The following ZDHHC14 variants were observed in gnomAD, a reference collection of about 807,000 sequenced individuals.
ZDHHC14 encodes the protein palmitoyltransferase ZDHHC14.
ZDHHC14 carries 16 observed loss-of-function variants against 47.7 expected under a neutral mutation model. That is an observed-to-expected ratio of 0.34 (90% CI 0.23 to 0.51). The LOEUF is 0.51. ZDHHC14 is among the 20% of genes least tolerant of loss of function. The pLI, the probability that ZDHHC14 is intolerant of heterozygous loss-of-function variation, is 0.97. For synonymous variants in ZDHHC14, 293 were observed against 278.9 expected, an observed-to-expected ratio of 1.05 and a Z score of -0.50; for missense variants, 515 against 662.5, an observed-to-expected ratio of 0.78 and a Z score of 2.44.
In ZDHHC14 at chr6:157,457,333, G is replaced by A. The variant is rs373625438; in HGVS notation, c.245+75067G>A. On this transcript the variant is annotated intron_variant, in intron 1 of 8. Transcript: ENST00000359775. ...CCACAGCAAATAGAAATGGAGCCCA[G>A]GAGTGGGAATGCTAGCTGGTATTGT... 4.6e-5 allele frequency among the ~76,000 whole-genome samples: 7 copies of A among 152,320 alleles called. No homozygotes were observed. In the East Asian group the frequency reaches 5.8e-4, roughly 13 times the overall value.
At chr6:157,497,057 C>T (rs1780083905) in intron 1 of ZDHHC14, among the ~76,000 whole-genome samples, 1 of 152,182 alleles carries the variant, frequency 6.6e-6, no homozygotes, top group Admixed American at 6.5e-5. Context: ...AGCTGCGGGA[C>T]TACAGTCCAG....
At position 157,672,957 on chromosome 6, in the gene ZDHHC14, G is replaced by T; in HGVS notation, c.1302G>T (p.Met434Ile). Residue 434 changes from methionine (M) to isoleucine (I), a missense_variant, in exon 9 of 9, where the codon ATG becomes ATT. Around this residue, in one of 4 missense-constraint regions of ZDHHC14, gnomAD observed 221 missense variants for 233.6 expected, o/e 0.95. Transcript: ENST00000359775. ...ADVMPRKDEH[M>I]GHQFLTPDEA... ...TGATGCCCCGGAAAGATGAGCACAT[G>T]GGCCACCAGTTCCTGACGCCCGATG... is the stretch of plus-strand genomic sequence containing the variant. 1 of 1,600,526 alleles carries T rather than the reference G, an allele frequency of 6.2e-7. No homozygotes were observed. Among genetic ancestry groups the T allele is most frequent in the South Asian group, 1.1e-5 (1 of 89,750 alleles).
chr6:157,669,855 G>A (rs112729686), intron 8 of ZDHHC14, among the ~76,000 whole-genome samples: 196 of 152,376 alleles, frequency 1.3e-3, no homozygotes, highest in Non-Finnish European at 2.1e-3. Context: ...GAGGCTGTGC[G>A]GAGTTACAGG....
intron 1 of ZDHHC14, among the ~76,000 whole-genome samples, chr6:157,410,531 C>T (rs1436442814): frequency 6.6e-6 from 1 of 152,078 alleles, no homozygotes; most frequent in East Asian, 1.9e-4. Flanking sequence ...TTATCTGGCA[C>T]CTTAGAAATA....
At chr6:157,479,984 C>T (rs1235861012) in intron 1 of ZDHHC14, among the ~76,000 whole-genome samples, 3 of 152,274 alleles carry the variant, frequency 2.0e-5, no homozygotes, top group Non-Finnish European at 2.9e-5. Flanking sequence ...CCAGGATCCT[C>T]GAGGGGGTAG....
At chr6:157,538,715 C>A (rs181116240) in intron 1 of ZDHHC14, among the ~76,000 whole-genome samples, 37 of 152,216 alleles carry the variant, frequency 2.4e-4, no homozygotes, top group African/African-American at 8.9e-4. Context: ...AAGAAGCGAT[C>A]CCTTCTGCTT....
At chr6:157,532,543 C>T (rs1161619452) in intron 1 of ZDHHC14, among the ~76,000 whole-genome samples, 3 of 152,156 alleles carry the variant, frequency 2.0e-5, no homozygotes, top group African/African-American at 7.2e-5. Context: ...CTTGCTGGAA[C>T]TGAGGGGAGT....
At chr6:157,566,815 A>G (rs961095474) in intron 2 of ZDHHC14, among the ~76,000 whole-genome samples, 6 of 151,496 alleles carry the variant, frequency 4.0e-5, no homozygotes, top group African/African-American at 1.5e-4. Context: ...GCATCAACCC[A>G]ATGACCACAA....
chr6:157,633,300 T>G (rs1776798739), intron 5 of ZDHHC14, among the ~76,000 whole-genome samples: 2 of 152,168 alleles, frequency 1.3e-5, no homozygotes, highest in Non-Finnish European at 2.9e-5. Context: ...CTGTTCCGAT[T>G]CTGTTGGGGG....
At chr6:157,517,948 G>T (rs1278847338) in intron 1 of ZDHHC14, among the ~76,000 whole-genome samples, 2 of 152,186 alleles carry the variant, frequency 1.3e-5, no homozygotes, top group African/African-American at 4.8e-5. Flanking sequence ...CTTGAGCTGG[G>T]AACTGAGAAA....
chr6:157,440,607 C>T (rs1778542997), intron 1 of ZDHHC14, among the ~76,000 whole-genome samples: 1 of 152,172 alleles, frequency 6.6e-6, no homozygotes. Context: ...CAAACATGCA[C>T]ATGTTCACAG....
At chr6:157,548,242 C>A in intron 2 of ZDHHC14, among the ~76,000 whole-genome samples, 1 of 152,104 alleles carries the variant, frequency 6.6e-6, no homozygotes, top group African/African-American at 2.4e-5. Flanking sequence ...TTTTACTCAC[C>A]TCCAATATCA....
intron 8 of ZDHHC14, among the ~76,000 whole-genome samples, chr6:157,656,103 T>C (rs1162081814): frequency 1.3e-5 from 2 of 152,220 alleles, no homozygotes; most frequent in Admixed American, 1.3e-4. Context: ...CAGATTCCCC[T>C]CTGGAGTCCA....
At chr6:157,450,906 C>T (rs1262956567) in intron 1 of ZDHHC14, among the ~76,000 whole-genome samples, 2 of 152,186 alleles carry the variant, frequency 1.3e-5, no homozygotes, top group Non-Finnish European at 2.9e-5. Context: ...TAACTTCTCA[C>T]TGCATCATAG....
intron 2 of ZDHHC14, among the ~76,000 whole-genome samples, chr6:157,578,760 G>A (rs1191704150): frequency 6.6e-6 from 1 of 152,208 alleles, no homozygotes; most frequent in Non-Finnish European, 1.5e-5. Flanking sequence ...ACTGTGTCCT[G>A]CTGCCCTGTG....
At chr6:157,567,535 G>A (rs796717292) in intron 2 of ZDHHC14, among the ~76,000 whole-genome samples, 2 of 152,284 alleles carry the variant, frequency 1.3e-5, no homozygotes, top group Middle Eastern at 3.4e-3. Flanking sequence ...AGTTGAACCC[G>A]CCGGGCGCCG....
At chr6:157,632,786 T>C (rs542755808) in intron 4 of ZDHHC14, 48 bp from the exon 5 acceptor site, 18 of 1,570,238 alleles carry the variant, frequency 1.1e-5, no homozygotes, top group African/African-American at 5.4e-5. Flanking sequence ...GCATTCAGCA[T>C]GAAGGCTGTT....
intron 1 of ZDHHC14, among the ~76,000 whole-genome samples, chr6:157,396,725 G>T (rs982185790): frequency 6.6e-6 from 1 of 152,116 alleles, no homozygotes; most frequent in African/African-American, 2.4e-5. Flanking sequence ...ATTTCAAGAG[G>T]TATGCTCTTG....
intron 1 of ZDHHC14, among the ~76,000 whole-genome samples, chr6:157,424,455 C>T (rs1202339963): frequency 6.6e-6 from 1 of 152,190 alleles, no homozygotes; most frequent in Admixed American, 6.5e-5. Flanking sequence ...AAAAGGGGGA[C>T]TGACAGCACA....
Sources: allele counts gnomAD v4.1 joint callset (sites outside exome capture counted in the v4.1 genomes callset), GRCh38; gene constraint gnomAD v4.1.1; regional missense constraint gnomAD v4.1.1; transcripts MANE v1.5; gene names NCBI Gene and HGNC (gene_info 2026-07-23, HGNC 2026-07-21).